CFAP20DC: variants seen among roughly 807,000 people sequenced by gnomAD.
The protein encoded by CFAP20DC is protein CFAP20DC.
CFAP20DC carries 84 observed loss-of-function variants against 101.7 expected under a neutral mutation model. The ratio of observed to expected loss-of-function variants is 0.83; its 90% CI spans 0.69 to 0.99. The LOEUF (loss-of-function observed/expected upper bound fraction) is 0.99. Ranked by LOEUF, CFAP20DC falls within the 50% of genes least tolerant of loss-of-function variation. CFAP20DC has a pLI of 0.00. For missense variants in CFAP20DC, 1,007 were observed against 970.3 expected, an observed-to-expected ratio of 1.04 and a Z score of -0.50; for synonymous variants, 359 against 351.2, an observed-to-expected ratio of 1.02 and a Z score of -0.25.
chr3:58,772,139 A>C (rs1056195862), intron 15 of CFAP20DC, among the ~76,000 whole-genome samples: 10 of 152,140 alleles, frequency 6.6e-5, no homozygotes, highest in Non-Finnish European at 1.3e-4. Context: ...GAGAGCGAGG[A>C]TCTTAAGTGA....
In CFAP20DC at chr3:58,880,628, A is replaced by G. The variant is rs539464461; in HGVS notation, c.715+3917T>C. Among the ~76,000 whole-genome samples the G allele has an allele frequency of 1.1e-4, 17 of 152,230 alleles. No individual in the cohort carries two copies. The East Asian group carries it at 3.3e-3, about 29-fold the overall frequency. On this transcript the variant is annotated intron_variant, in intron 7 of 16. Transcript: ENST00000482387. ...GTTTTATATTATTAAAGTTTTTTCA[A>G]TATTTGGCAGAAATTTTACAGAAAA... is the stretch of plus-strand genomic sequence containing the variant.
At chr3:59,048,895 G>C (rs958110296) in intron 1 of CFAP20DC, among the ~76,000 whole-genome samples, 1 of 152,140 alleles carries the variant, frequency 6.6e-6, no homozygotes, top group Non-Finnish European at 1.5e-5. Flanking sequence ...AGCAGGTCGA[G>C]ACACTCTAGG....
At chr3:58,996,776 T>A (rs2093148408) in intron 4 of CFAP20DC, among the ~76,000 whole-genome samples, 1 of 152,236 alleles carries the variant, frequency 6.6e-6, no homozygotes, top group Admixed American at 6.5e-5. Context: ...TGGCCCAAGT[T>A]CCTTATCTCA....
intron 6 of CFAP20DC, among the ~76,000 whole-genome samples, chr3:58,909,960 C>T (rs1279763956): frequency 6.6e-6 from 1 of 152,136 alleles, no homozygotes; most frequent in African/African-American, 2.4e-5. Flanking sequence ...GCTCAGCTCC[C>T]ACTTATGAGT....
chr3:58,797,690 G>T (rs565476838), intron 15 of CFAP20DC, among the ~76,000 whole-genome samples: 3 of 152,146 alleles, frequency 2.0e-5, no homozygotes, highest in African/African-American at 7.2e-5. Flanking sequence ...ATGACATCTA[G>T]GACTTCCATT....
intron 3 of CFAP20DC, among the ~76,000 whole-genome samples, chr3:58,733,429 A>C (rs1479359536): frequency 6.6e-6 from 1 of 152,212 alleles, no homozygotes; most frequent in East Asian, 1.9e-4. Flanking sequence ...CATTCGTCAT[A>C]TACTCTGAGG....
chr3:58,877,565 A>C (rs992440058), intron 7 of CFAP20DC, among the ~76,000 whole-genome samples: 4 of 152,172 alleles, frequency 2.6e-5, no homozygotes, highest in African/African-American at 9.7e-5. Flanking sequence ...TGAGGCTTGC[A>C]ATGTTTAGAG....
intron 4 of CFAP20DC, among the ~76,000 whole-genome samples, chr3:58,990,328 C>A (rs929710382): frequency 6.6e-6 from 1 of 152,092 alleles, no homozygotes; most frequent in Non-Finnish European, 1.5e-5. Context: ...TTCTTCTTCC[C>A]AAGAATAACT....
chr3:58,789,744 T>C (rs946781430), intron 15 of CFAP20DC, among the ~76,000 whole-genome samples: 30 of 152,158 alleles, frequency 2.0e-4, no homozygotes, highest in African/African-American at 7.2e-4. Context: ...AAAATGCTAT[T>C]TTAAAAACAT....
intron 14 of CFAP20DC, among the ~76,000 whole-genome samples, chr3:58,814,861 T>C (rs1057251767): frequency 4.0e-5 from 6 of 149,972 alleles, no homozygotes; most frequent in East Asian, 2.0e-4. Flanking sequence ...TAAAAGAGGA[T>C]ACAAACAAAT....
intron 4 of CFAP20DC, among the ~76,000 whole-genome samples, chr3:58,959,886 C>T (rs2090983617): frequency 6.6e-6 from 1 of 152,196 alleles, no homozygotes; most frequent in Non-Finnish European, 1.5e-5. Flanking sequence ...ATCAATGTCT[C>T]TGCATTTATT....
chr3:58,946,977 G>T (rs1480946372), intron 4 of CFAP20DC, among the ~76,000 whole-genome samples: 1 of 152,206 alleles, frequency 6.6e-6, no homozygotes, highest in Non-Finnish European at 1.5e-5. Flanking sequence ...CCAATGTAGT[G>T]AGAGGCTCAG....
At chr3:58,881,499 T>C (rs547636088) in intron 7 of CFAP20DC, among the ~76,000 whole-genome samples, 20 of 152,290 alleles carry the variant, frequency 1.3e-4, no homozygotes, top group Admixed American at 1.2e-3. Context: ...TGTGTGGTTT[T>C]TGGAAACACA....
Position 58,913,977 on chromosome 3 carries a change from C to T in CFAP20DC, c.394-113G>A. 2 of 1,123,680 alleles carry T rather than the reference C, an allele frequency of 1.8e-6. No homozygotes were observed. Among genetic ancestry groups the T allele is most frequent in the Admixed American group, 2.3e-5 (1 of 42,794 alleles). 69.6% of individuals were successfully genotyped at this position (1,123,680 alleles called of 1,614,324 possible). On this transcript the variant is annotated intron_variant, in intron 5 of 16. Coordinates refer to ENST00000482387, the MANE Select transcript of CFAP20DC (RefSeq NM_001394063.1). The surrounding 1 kb of genome is among the most constrained non-coding windows in gnomAD (Gnocchi z 4.4). ...GAGGCAGTTATCCTGATCAACAAGC[C>T]CCAAACTAATTTTCCTCTTTAGGTA...
chr3:58,949,815 T>C (rs1559882558), intron 4 of CFAP20DC, among the ~76,000 whole-genome samples: 1 of 152,224 alleles, frequency 6.6e-6, no homozygotes, highest in Non-Finnish European at 1.5e-5. Context: ...GCCAGTATCA[T>C]ACTGAATGGG....
chr3:58,749,790 T>C (rs2068445052), intron 16 of CFAP20DC, among the ~76,000 whole-genome samples: 1 of 152,172 alleles, frequency 6.6e-6, no homozygotes, highest in Non-Finnish European at 1.5e-5. Context: ...AAAAACAAAT[T>C]GACAACTATT....
chr3:58,919,129 C>T (rs956040806), intron 5 of CFAP20DC, among the ~76,000 whole-genome samples: 41 of 152,144 alleles, frequency 2.7e-4, no homozygotes, highest in Non-Finnish European at 4.7e-4. Flanking sequence ...ATAGGGGCAA[C>T]CACTGATTTC....
chr3:58,735,447 C>T (rs1054141373), intron 3 of CFAP20DC, among the ~76,000 whole-genome samples: 1 of 152,220 alleles, frequency 6.6e-6, no homozygotes, highest in Non-Finnish European at 1.5e-5. Context: ...GATGGTTAGT[C>T]TGTTGATTGA....
chr3:58,809,145 A>G (rs2074381624), intron 14 of CFAP20DC, among the ~76,000 whole-genome samples: 1 of 147,466 alleles, frequency 6.8e-6, no homozygotes, highest in Non-Finnish European at 1.5e-5. Flanking sequence ...TGTCAACATT[A>G]GACAGAAAGT....
Sources: allele counts gnomAD v4.1 joint callset (sites outside exome capture counted in the v4.1 genomes callset), GRCh38; gene constraint gnomAD v4.1.1; non-coding constraint Gnocchi (gnomAD v3.1); transcripts MANE v1.5; gene names NCBI Gene and HGNC (gene_info 2026-07-23, HGNC 2026-07-21).